CDH7: variants seen among roughly 807,000 people sequenced by gnomAD.
CDH7 encodes cadherin 7, also known as cadherin-7.
Under a neutral mutation model 71.8 loss-of-function variants are expected in CDH7, and 25 were observed. The ratio of observed to expected loss-of-function variants is 0.35; its 90% CI spans 0.25 to 0.49. CDH7 has a LOEUF of 0.49. Ranked by LOEUF, CDH7 falls within the 20% of genes least tolerant of loss-of-function variation. CDH7 has a pLI of 0.99. For missense variants in CDH7, 862 were observed against 974.6 expected (o/e 0.88, Z 1.54); for synonymous variants, 381 against 363.8 (o/e 1.05, Z -0.54).
chr18:65,767,090 TTTC>T (rs1916400188), intron 2 of CDH7, among the ~76,000 whole-genome samples: 1 of 129,776 alleles, frequency 7.7e-6, no homozygotes, highest in African/African-American at 4.1e-5. Flanking sequence ...TCACTCTTTC[TTTC>T]TTTTTTTTTT....
intron 2 of CDH7, among the ~76,000 whole-genome samples, chr18:65,797,068 G>T (rs2143872024): frequency 6.6e-6 from 1 of 152,256 alleles, no homozygotes; most frequent in East Asian, 1.9e-4. Flanking sequence ...GTTCCGTGAT[G>T]TGGTCCACTC....
chr18:65,847,031 C>CATACTCA (rs1263270180), intron 7 of CDH7, among the ~76,000 whole-genome samples: 2 of 151,926 alleles, frequency 1.3e-5, no homozygotes, highest in African/African-American at 4.8e-5. Context: ...GTCTTGTACT[C>CATACTCA]ACGCGTATTC....
At chr18:65,878,789 A>G (rs908127501) in intron 11 of CDH7, among the ~76,000 whole-genome samples, 1 of 152,214 alleles carries the variant, frequency 6.6e-6, no homozygotes, top group African/African-American at 2.4e-5. Flanking sequence ...GAAAGAGAGC[A>G]GGGATATCTG....
rs1258875708 is a variant in CDH7 at position 65,766,890 on chromosome 18, A to C, written c.210+3838A>C. On this transcript the variant is annotated intron_variant, in intron 2 of 11. Transcript: ENST00000397968. ...CGTCCTGTAACTGTCTGACGTAAAA[A>C]AAAAAAAAAAAAAAAAAAAAAAAAA... 2.3e-4 allele frequency among the ~76,000 whole-genome samples: 11 copies of C among 46,906 alleles called. No individual in the cohort carries two copies. In the East Asian group the frequency reaches 5.6e-3, roughly 24 times the overall value. The allele number at this position is 46,906 out of a possible 152,430, so 30.8% of individuals were successfully genotyped here.
intron 11 of CDH7, among the ~76,000 whole-genome samples, chr18:65,869,027 A>G (rs1416334243): frequency 6.6e-6 from 1 of 151,986 alleles, no homozygotes; most frequent in African/African-American, 2.4e-5. Context: ...ATCCTGAGCA[A>G]TTTTCCTACA....
At chr18:65,825,045 C>T (rs2143943918) in intron 6 of CDH7, among the ~76,000 whole-genome samples, 1 of 151,940 alleles carries the variant, frequency 6.6e-6, no homozygotes, top group Admixed American at 6.6e-5. Flanking sequence ...CTTTAAGAAA[C>T]TCGCAGCCAT....
At chr18:65,815,612 C>G (rs772220929) in intron 4 of CDH7, among the ~76,000 whole-genome samples, 16 of 152,130 alleles carry the variant, frequency 1.1e-4, no homozygotes, top group Non-Finnish European at 2.2e-4. Context: ...GTAAATTCAA[C>G]CTTAGCTCAT....
Position 65,880,912 on chromosome 18 carries a change from G to C in CDH7, c.*18G>C, listed in dbSNP as rs888880445. ...ACTCATAGCCTTGGAACCTTAATTC[G>C]AAATGTACTGAAGAAAAAGTAACAG... On this transcript the variant is annotated 3_prime_UTR_variant, in exon 12 of 12. Coordinates refer to ENST00000397968, the MANE Select transcript of CDH7 (RefSeq NM_004361.5). 4 of 1,553,134 alleles carry C rather than the reference G, an allele frequency of 2.6e-6. No individual in the cohort carries two copies. The highest frequency in any genetic ancestry group is 3.5e-6 in the Non-Finnish European group (4 of 1,152,472).
At chr18:65,847,111 A>C (rs1369306374) in intron 7 of CDH7, among the ~76,000 whole-genome samples, 8 of 152,188 alleles carry the variant, frequency 5.3e-5, no homozygotes, top group Non-Finnish European at 1.0e-4. Context: ...CACTCCAGTA[A>C]CTATCAAAAT....
At position 65,842,700 on chromosome 18, in the gene CDH7, A is replaced by C. The variant is rs1416938953; in HGVS notation, c.982-1112A>C. Among the ~76,000 whole-genome samples the C allele has an allele frequency of 2.6e-4, 40 of 152,072 alleles. 2 individuals are homozygous for C. The highest frequency in any genetic ancestry group is 2.6e-3 in the Admixed American group (40 of 15,244). On this transcript the variant is annotated intron_variant, in intron 6 of 11. Transcript: ENST00000397968. ...TAAGTCGGAATAAATGCGTGCCTGC[A>C]TACATATACACACGTATGCCCAAAC...
At position 65,885,310 on chromosome 18, in the gene CDH7, T is replaced by G. The variant is rs537094196; in HGVS notation, c.*4416T>G. 1 of 150,840 alleles carries G rather than the reference T, an allele frequency of 6.6e-6. No individual in the cohort carries two copies. Among genetic ancestry groups the G allele is most frequent in the South Asian group, 2.1e-4 (1 of 4,772 alleles). 9.3% of individuals were successfully genotyped at this position (150,840 alleles called of 1,614,324 possible). Reference sequence around the variant, plus strand: ...GGCAGTGTGCGTTGCATTCTGACACTTTTTCATTGTTATGCTAACTTCTAC... The same window carrying G: ...GGCAGTGTGCGTTGCATTCTGACACGTTTTCATTGTTATGCTAACTTCTAC... On this transcript the variant is annotated 3_prime_UTR_variant, in exon 12 of 12. Coordinates refer to ENST00000397968, the MANE Select transcript of CDH7 (RefSeq NM_004361.5).
chr18:65,875,233 A>G (rs569727906), intron 11 of CDH7, among the ~76,000 whole-genome samples: 24 of 152,280 alleles, frequency 1.6e-4, no homozygotes, highest in Admixed American at 7.2e-4. Flanking sequence ...TTAAGAGGAT[A>G]TGACAGTTCA....
chr18:65,781,853 T>C (rs1387777284), intron 2 of CDH7, among the ~76,000 whole-genome samples: 2 of 89,960 alleles, frequency 2.2e-5, no homozygotes, highest in African/African-American at 1.7e-4. Flanking sequence ...TTTCTTTCTT[T>C]CTTTCTTTCT....
intron 2 of CDH7, among the ~76,000 whole-genome samples, chr18:65,773,725 G>A (rs940165913): frequency 6.6e-6 from 1 of 152,092 alleles, no homozygotes. Flanking sequence ...TTAAAAGTTA[G>A]TGAGCTTAAT....
chr18:65,782,163 TTC>T (rs1832551103), intron 2 of CDH7, among the ~76,000 whole-genome samples: 1 of 116,018 alleles, frequency 8.6e-6, no homozygotes. Flanking sequence ...TCTTTCTTTC[TTC>T]CTTTCTTTCT....
rs1337776142 is a variant in CDH7 at position 65,782,077 on chromosome 18, T to C, written c.210+19025T>C. Among the ~76,000 whole-genome samples the C allele has an allele frequency of 1.9e-3, 120 of 62,040 alleles. 2 individuals are homozygous for C. Among genetic ancestry groups the C allele is most frequent in the Non-Finnish European group, 2.7e-3 (101 of 37,266 alleles). The allele number at this position is 62,040 out of a possible 152,430, so 40.7% of individuals were successfully genotyped here. On this transcript the variant is annotated intron_variant, in intron 2 of 11. Coordinates refer to ENST00000397968, the MANE Select transcript of CDH7 (RefSeq NM_004361.5). ...TCCTTCCTTCCTTTCTTTCTTTCTTTCTTTCCTTCCTTCCTTCCTTCCTTC... is the reference window on the plus strand; with the variant it reads ...TCCTTCCTTCCTTTCTTTCTTTCTTCCTTTCCTTCCTTCCTTCCTTCCTTC...
intron 2 of CDH7, among the ~76,000 whole-genome samples, chr18:65,796,531 A>G (rs1310859347): frequency 1.3e-5 from 2 of 152,152 alleles, no homozygotes; most frequent in African/African-American, 2.4e-5. Context: ...TGTGTTAATT[A>G]TTGTAGTTTA....
intron 11 of CDH7, among the ~76,000 whole-genome samples, chr18:65,873,762 G>A (rs1913993747): frequency 6.6e-6 from 1 of 152,022 alleles, no homozygotes; most frequent in African/African-American, 2.4e-5. Flanking sequence ...GGTGTTTTTG[G>A]TAAAGACTTA....
intron 3 of CDH7, among the ~76,000 whole-genome samples, chr18:65,810,772 T>TA (rs1461900714): frequency 6.6e-6 from 1 of 152,142 alleles, no homozygotes; most frequent in Non-Finnish European, 1.5e-5. Context: ...CCGCTAATTT[T>TA]AAAAAATTTC....
Sources: allele counts gnomAD v4.1 joint callset (sites outside exome capture counted in the v4.1 genomes callset), GRCh38; gene constraint gnomAD v4.1.1; transcripts MANE v1.5; gene names NCBI Gene and HGNC (gene_info 2026-07-23, HGNC 2026-07-21).